Variants in SEC14L2 observed in about 807,000 individuals in gnomAD.
The protein encoded by SEC14L2 is SEC14-like protein 2.
Under a neutral mutation model 56.9 loss-of-function variants are expected in SEC14L2, and 50 were observed. That is an observed-to-expected ratio of 0.88 (90% CI 0.70 to 1.11). The LOEUF (loss-of-function observed/expected upper bound fraction) is 1.11. Among genes scored for constraint, SEC14L2 ranks in the 50% most tolerant of loss-of-function variants. The pLI, the probability that SEC14L2 is intolerant of heterozygous loss-of-function variation, is 0.00. For missense variants in SEC14L2, 414 were observed against 500.7 expected (o/e 0.83, Z 1.65); for synonymous variants, 179 against 188.5 (o/e 0.95, Z 0.41).
intron 3 of SEC14L2, among the ~76,000 whole-genome samples, 184 bp downstream of exon 3, chr22:30,406,569 C>G (rs35181270): frequency 5.0e-4 from 76 of 152,248 alleles, no homozygotes; most frequent in African/African-American, 1.7e-3. Flanking sequence ...TTTCATAGCT[C>G]TGGGCCAGCC....
At position 30,407,170 on chromosome 22, in the gene SEC14L2, C is replaced by A; in HGVS notation, c.234+16C>A. On this transcript the variant is annotated intron_variant, in intron 4 of 11. Coordinates refer to ENST00000615189, the MANE Select transcript of SEC14L2 (RefSeq NM_012429.5). The stretch of plus-strand genomic sequence containing the variant: ...GCCTCCAGAGGTGAGCACAAATTAT[C>A]CCACCTCATCCCTATGCTAGGCCTT... 1 of 1,613,540 alleles carries A rather than the reference C, an allele frequency of 6.2e-7. No individual in the cohort carries two copies. Among genetic ancestry groups the A allele is most frequent in the Non-Finnish European group, 8.5e-7 (1 of 1,179,618 alleles).
At chr22:30,397,238 A>T in intron 1 of SEC14L2, 68 bp downstream of exon 1, 6 of 1,226,422 alleles carry the variant, frequency 4.9e-6, no homozygotes, top group East Asian at 3.1e-5. Flanking sequence ...GGCAGCGAGA[A>T]GGGACGGGGC....
intron 2 of SEC14L2, among the ~76,000 whole-genome samples, chr22:30,403,058 C>A (rs535104624): frequency 2.4e-4 from 37 of 152,296 alleles, no homozygotes; most frequent in Non-Finnish European, 3.4e-4. Context: ...ACCTGGGCGA[C>A]AGAGCAAGAT....
At chr22:30,404,986 C>T (rs757351782) in intron 2 of SEC14L2, among the ~76,000 whole-genome samples, 15 of 152,048 alleles carry the variant, frequency 9.9e-5, no homozygotes, top group Admixed American at 2.0e-4. Context: ...AGGAGAATTG[C>T]TTGAACCCGG....
intron 2 of SEC14L2, 85 bp from the exon 3 acceptor site, chr22:30,406,257 T>C: frequency 1.5e-6 from 2 of 1,333,826 alleles, no homozygotes; most frequent in Non-Finnish European, 2.2e-6. Context: ...GAACTGGCCC[T>C]ATCATGGGAA....
intron 1 of SEC14L2, chr22:30,398,779 T>C (rs549124816): frequency 4.7e-5 from 22 of 470,980 alleles, no homozygotes; most frequent in Non-Finnish European, 8.8e-5. Flanking sequence ...CAGAAGACCA[T>C]GGTGGAAAGA....
intron 5 of SEC14L2, among the ~76,000 whole-genome samples, chr22:30,408,264 T>A (rs1226610631): frequency 6.6e-6 from 1 of 152,112 alleles, no homozygotes; most frequent in African/African-American, 2.4e-5. Context: ...CTGGTGCAAA[T>A]GATGTCAGAT....
At position 30,399,672 on chromosome 22, in the gene SEC14L2, G is replaced by C. The variant is rs770175976; in HGVS notation, c.84G>C (p.Pro28=). The change falls in exon 2 of 12, where the codon CCG becomes CCC. Residue 28 remains proline (P), a synonymous_variant. Transcript: ENST00000615189. The part of the protein sequence containing the change: ...KFRENVQDVL[P]ALPNPDDYFL... ...GGGAGAATGTCCAGGATGTGCTGCCGGCCCTGCCGAATCCAGATGACTATT... is the reference window on the plus strand; with the variant it reads ...GGGAGAATGTCCAGGATGTGCTGCCCGCCCTGCCGAATCCAGATGACTATT... 1.2e-6 allele frequency: 2 copies of C among 1,613,862 alleles called. No individual in the cohort carries two copies. Among genetic ancestry groups the C allele is most frequent in the Non-Finnish European group, 8.5e-7 (1 of 1,179,904 alleles).
In SEC14L2 at chr22:30,422,568, G is replaced by A; in HGVS notation, c.*161G>A. ...GTTAGGCAGAGGAAGAGCGACTGCA[G>A]TGGGTCTCCGTGTCTATCAAATACC... On this transcript the variant is annotated 3_prime_UTR_variant, in exon 12 of 12. Transcript: ENST00000615189. 2 of 777,260 alleles carry A rather than the reference G, an allele frequency of 2.6e-6. No individual in the cohort carries two copies. The highest frequency in any genetic ancestry group is 3.9e-4 in the Middle Eastern group (1 of 2,566). 48.1% of individuals were successfully genotyped at this position (777,260 alleles called of 1,614,324 possible). A position where few individuals can be genotyped will look rare whatever the true frequency, so the allele number is the denominator to read the frequency against.
At position 30,423,462 on chromosome 22, in the gene SEC14L2, C is replaced by CT. The variant is rs1238449984; in HGVS notation, c.*1055_*1056insT. Reference sequence around the variant, plus strand: ...CGGCGTAGCCAGGCCTGGAGGCCCCCCAGGCAGGAGGCCGCCCAAAGGCGG... The same window carrying CT: ...CGGCGTAGCCAGGCCTGGAGGCCCCCTCAGGCAGGAGGCCGCCCAAAGGCGG... On this transcript the variant is annotated 3_prime_UTR_variant, in exon 12 of 12. Coordinates refer to ENST00000615189, the MANE Select transcript of SEC14L2 (RefSeq NM_012429.5). The CT allele has an allele frequency of 6.5e-6, 1 of 152,674 alleles. No individual in the cohort carries two copies. Among genetic ancestry groups the CT allele is most frequent in the Admixed American group, 6.5e-5 (1 of 15,298 alleles). The allele number at this position is 152,674 out of a possible 1,614,324, so 9.5% of individuals were successfully genotyped here.
rs1934618788 is a variant in SEC14L2, at chr22:30,424,624, T to C, written c.*2217T>C. 4.5e-6 allele frequency: 2 copies of C among 446,504 alleles called. No individual in the cohort carries two copies. The highest frequency in any genetic ancestry group is 3.2e-5 in the South Asian group (2 of 63,394). 27.7% of individuals were successfully genotyped at this position (446,504 alleles called of 1,614,324 possible). A position where few individuals can be genotyped will look rare whatever the true frequency, so the allele number is the denominator to read the frequency against. On this transcript the variant is annotated 3_prime_UTR_variant, in exon 12 of 12. Coordinates refer to ENST00000615189, the MANE Select transcript of SEC14L2 (RefSeq NM_012429.5). ...GTGCAAAGCGCTTAAGAGCTTGGTA[T>C]AAGTAAGTGCTCGTCAATGTTGGCT... is the stretch of plus-strand genomic sequence containing the variant.
At chr22:30,402,502 G>A (rs1933967237) in intron 2 of SEC14L2, among the ~76,000 whole-genome samples, 1 of 152,164 alleles carries the variant, frequency 6.6e-6, no homozygotes, top group Admixed American at 6.5e-5. Flanking sequence ...TGAGAAAACA[G>A]GCTCAGAGAG....
At position 30,424,936 on chromosome 22, in the gene SEC14L2, A is replaced by C; in HGVS notation, c.*2529A>C. The C allele has an allele frequency of 2.4e-6, 1 of 422,846 alleles. No individual in the cohort carries two copies. The highest frequency in any genetic ancestry group is 1.7e-5 in the South Asian group (1 of 58,116). The allele number at this position is 422,846 out of a possible 1,614,324, so 26.2% of individuals were successfully genotyped here. ...CCAACATCCTGTCCCCAAGAAGCTC[A>C]GTCTGGGGACATACTGATCCAGTTA... On this transcript the variant is annotated 3_prime_UTR_variant, in exon 12 of 12. Transcript: ENST00000615189.
chr22:30,399,847 C>CT, intron 2 of SEC14L2, 129 bp downstream of exon 2: 1 of 682,750 alleles, frequency 1.5e-6, no homozygotes, highest in Non-Finnish European at 2.4e-6. Context: ...CCAAAGGGCC[C>CT]TTGGCAATGA....
rs746930291 is a variant in SEC14L2 at position 30,397,093 on chromosome 22, C to G, written c.-24C>G. ...GCACCCGCCGCCTCCCGCCCCCAAACCCCATCCCCGCGGTTGAGCCACGAT... is the reference window on the plus strand; with the variant it reads ...GCACCCGCCGCCTCCCGCCCCCAAAGCCCATCCCCGCGGTTGAGCCACGAT... On this transcript the variant is annotated 5_prime_UTR_variant, in exon 1 of 12. Coordinates refer to ENST00000615189, the MANE Select transcript of SEC14L2 (RefSeq NM_012429.5). 1 of 1,545,696 alleles carries G rather than the reference C, an allele frequency of 6.5e-7. No individual in the cohort carries two copies.
chr22:30,417,559 A>C (rs1346837582), intron 11 of SEC14L2, among the ~76,000 whole-genome samples: 1 of 66,386 alleles, frequency 1.5e-5, no homozygotes, highest in Admixed American at 1.7e-4. Context: ...CCGGACTGCT[A>C]CACTGGGGTA....
intron 7 of SEC14L2, 68 bp from the exon 8 acceptor site, chr22:30,410,528 G>A (rs564126366): frequency 1.4e-6 from 2 of 1,442,368 alleles, no homozygotes; most frequent in Non-Finnish European, 2.0e-6. Flanking sequence ...AGCAGGTGCT[G>A]CAGAGGACGC....
In SEC14L2 at chr22:30,416,030, C is replaced by T; in HGVS notation, c.854C>T (p.Ser285Phe). ...CAGTATGAACACAGCGTGCAGATTT[C>T]CCGTGGCTCCTCCCACCAAGTGGAG... ...KQQYEHSVQI[S>F]RGSSHQVEYE... Residue 285 changes from serine (S) to phenylalanine (F), a missense_variant, in exon 10 of 12, where the codon TCC becomes TTC. Transcript: ENST00000615189. The T allele has an allele frequency of 6.2e-7, 1 of 1,614,242 alleles. No individual in the cohort carries two copies. Among genetic ancestry groups the T allele is most frequent in the Non-Finnish European group, 8.5e-7 (1 of 1,180,034 alleles).
intron 1 of SEC14L2, chr22:30,397,713 G>A (rs1933796231): frequency 3.2e-5 from 12 of 373,354 alleles, no homozygotes; most frequent in South Asian, 2.4e-4. Flanking sequence ...TGGACCAGAT[G>A]ATGTTGAAGG....
Sources: allele counts gnomAD v4.1 joint callset (sites outside exome capture counted in the v4.1 genomes callset), GRCh38; gene constraint gnomAD v4.1.1; transcripts MANE v1.5; gene names NCBI Gene and HGNC (gene_info 2026-07-23, HGNC 2026-07-21).